RAD54B: variants seen among roughly 807,000 people sequenced by gnomAD.
RAD54B encodes DNA repair and recombination protein RAD54B.
In RAD54B, 78 loss-of-function variants were observed where a neutral mutation model predicts 95.8. That is an observed-to-expected ratio of 0.81 (90% CI 0.68 to 0.98). RAD54B has a LOEUF of 0.98. Among genes scored for constraint, RAD54B ranks in the 50% least tolerant of loss-of-function variants. The pLI is 0.00. For synonymous variants in RAD54B, 328 were observed against 354.9 expected, an observed-to-expected ratio of 0.92 and a Z score of 0.85; for missense variants, 957 against 1,056.6, an observed-to-expected ratio of 0.91 and a Z score of 1.31.
At chr8:94,425,948 A>G (rs879830406) in intron 3 of RAD54B, among the ~76,000 whole-genome samples, 2 of 152,082 alleles carry the variant, frequency 1.3e-5, no homozygotes, top group Admixed American at 6.6e-5. Context: ...CTGAACATGC[A>G]AAGGGCGTTT....
chr8:94,389,318 C>T (rs575292826), intron 10 of RAD54B, among the ~76,000 whole-genome samples: 16 of 152,282 alleles, frequency 1.1e-4, no homozygotes, highest in African/African-American at 3.8e-4. Flanking sequence ...CTTGAAAAGG[C>T]TTTTTTAAAA....
intron 14 of RAD54B, 62 bp from the exon 15 acceptor site, chr8:94,372,449 C>A: frequency 6.4e-7 from 1 of 1,570,924 alleles, no homozygotes; most frequent in Non-Finnish European, 8.6e-7. Flanking sequence ...AAATACAATA[C>A]TTTTTTGTTT....
chr8:94,375,765 G>A (rs947914189), intron 14 of RAD54B, among the ~76,000 whole-genome samples: 2 of 152,034 alleles, frequency 1.3e-5, no homozygotes, highest in African/African-American at 4.8e-5. Flanking sequence ...AATATAATAT[G>A]CTATAATTTA....
chr8:94,429,691 G>A (rs773850146), intron 3 of RAD54B: 22 of 982,964 alleles, frequency 2.2e-5, no homozygotes, highest in Non-Finnish European at 2.7e-5. Context: ...TCATAGCACA[G>A]ATTAAAGAGA....
At chr8:94,459,387 G>C (rs1463587651) in intron 2 of RAD54B, among the ~76,000 whole-genome samples, 1 of 151,642 alleles carries the variant, frequency 6.6e-6, no homozygotes, top group Non-Finnish European at 1.5e-5. Flanking sequence ...CTGGCCTCAA[G>C]CAATCTTCCT....
At chr8:94,395,652 A>T (rs1811125865) in intron 8 of RAD54B, among the ~76,000 whole-genome samples, 1 of 152,114 alleles carries the variant, frequency 6.6e-6, no homozygotes, top group Non-Finnish European at 1.5e-5. Flanking sequence ...GTAGCATGTG[A>T]CTCATCCTGG....
At chr8:94,450,752 C>A (rs993559661) in intron 3 of RAD54B, among the ~76,000 whole-genome samples, 1 of 151,624 alleles carries the variant, frequency 6.6e-6, no homozygotes, top group African/African-American at 2.4e-5. Flanking sequence ...TGGTGGTGGA[C>A]GCTTGTAGTC....
intron 3 of RAD54B, among the ~76,000 whole-genome samples, chr8:94,416,140 G>C (rs1478753256): frequency 1.3e-5 from 2 of 151,550 alleles, no homozygotes; most frequent in East Asian, 1.9e-4. Context: ...TGATAGACTG[G>C]ATTAAGAAAA....
intron 8 of RAD54B, among the ~76,000 whole-genome samples, chr8:94,396,578 T>C (rs1811151817): frequency 6.6e-6 from 1 of 152,144 alleles, no homozygotes; most frequent in African/African-American, 2.4e-5. Context: ...TAGGAATCTA[T>C]ACACAAAGAG....
intron 4 of RAD54B, among the ~76,000 whole-genome samples, chr8:94,409,427 G>A (rs1047472311): frequency 1.3e-5 from 2 of 151,502 alleles, no homozygotes; most frequent in African/African-American, 4.9e-5. Flanking sequence ...CTGGAGTGCA[G>A]TGGCAGGATC....
At chr8:94,378,734 T>C (rs1184967410) in intron 12 of RAD54B, 100 bp from the exon 13 acceptor site, 1 of 771,728 alleles carries the variant, frequency 1.3e-6, no homozygotes, top group Non-Finnish European at 2.1e-6. Context: ...CGGAATTCTA[T>C]ATTTTACATA....
intron 1 of RAD54B, among the ~76,000 whole-genome samples, chr8:94,472,216 C>T (rs1030728087): frequency 4.6e-5 from 7 of 152,060 alleles, no homozygotes; most frequent in African/African-American, 1.7e-4. Flanking sequence ...TTTACCAATA[C>T]CAGAAGTCAG....
chr8:94,391,753 C>A lies in RAD54B; in HGVS notation c.1665G>T (p.Gln555His), dbSNP rs1192463388. The change falls in exon 10 of 15, where the codon CAG becomes CAT. Residue 555 changes from glutamine to histidine, a missense_variant. Gln to His is a conservative substitution (Grantham distance 24, BLOSUM62 0). Transcript: ENST00000336148. ...NVVFCRPGAL[Q>H]IELYRKLLNS... ...TTAACAGCTTTCGATAAAGCTCAAT[C>A]TGTAGTGCTCCTGGTCGGCAAAAGA... The A allele has an allele frequency of 6.2e-7, 1 of 1,614,062 alleles. No individual in the cohort carries two copies. Among genetic ancestry groups the A allele is most frequent in the Non-Finnish European group, 8.5e-7 (1 of 1,180,006 alleles).
chr8:94,404,469 T>C (rs545960014), intron 5 of RAD54B, among the ~76,000 whole-genome samples: 18 of 152,284 alleles, frequency 1.2e-4, no homozygotes, highest in African/African-American at 4.1e-4. Context: ...CCAAACTTCA[T>C]ATACCCAAAA....
At chr8:94,446,976 T>A (rs1311634640) in intron 3 of RAD54B, among the ~76,000 whole-genome samples, 1 of 147,434 alleles carries the variant, frequency 6.8e-6, no homozygotes. Context: ...AGATAAGACT[T>A]AAAAAAAAAA....
chr8:94,455,974 T>C (rs1040233327), intron 3 of RAD54B, among the ~76,000 whole-genome samples: 1 of 152,192 alleles, frequency 6.6e-6, no homozygotes, highest in Non-Finnish European at 1.5e-5. Flanking sequence ...CTTTAACATA[T>C]ATCTTTAGGA....
At chr8:94,469,931 G>A (rs1813125805) in intron 1 of RAD54B, among the ~76,000 whole-genome samples, 1 of 152,136 alleles carries the variant, frequency 6.6e-6, no homozygotes, top group African/African-American at 2.4e-5. Flanking sequence ...ATTTCCACTA[G>A]GACTGGATAG....
chr8:94,400,417 C>G lies in RAD54B; in HGVS notation c.991G>C (p.Gly331Arg). ...AGCGAAATACATTGCAATGTCTTCCCTAAACCCATTTCATCAGCAAGAATA... is the reference window on the plus strand; with the variant it reads ...AGCGAAATACATTGCAATGTCTTCCGTAAACCCATTTCATCAGCAAGAATA... ...GAILADEMGL[G>R]KTLQCISLIW... is the part of the protein sequence containing the mutation. The change falls in exon 7 of 15, where the codon GGG (glycine) becomes CGG (arginine). Residue 331 changes from glycine to arginine, a missense_variant. Physicochemically the swap from Gly to Arg is moderately radical, Grantham distance 125. Transcript: ENST00000336148. 5 of 1,613,390 alleles carry G rather than the reference C, an allele frequency of 3.1e-6. No homozygotes were observed. Among genetic ancestry groups the G allele is most frequent in the Non-Finnish European group, 4.2e-6 (5 of 1,179,682 alleles).
chr8:94,456,397 G>A (rs1812779388), intron 3 of RAD54B, among the ~76,000 whole-genome samples: 1 of 152,068 alleles, frequency 6.6e-6, no homozygotes. Context: ...ATCCTGTTTG[G>A]TATAATAACA....
Sources: gnomAD v4.1 joint callset for allele counts (sites outside exome capture counted in the v4.1 genomes callset) on GRCh38, gnomAD v4.1.1 for gene constraint, MANE v1.5 for transcripts, NCBI Gene and HGNC (gene_info 2026-07-23, HGNC 2026-07-21) for gene names.